PTBP3: variants seen among roughly 807,000 people sequenced by gnomAD.
PTBP3 encodes the protein polypyrimidine tract binding protein 3.
In PTBP3, 20 loss-of-function variants were observed where a neutral mutation model predicts 58.7. That is an observed-to-expected ratio of 0.34 (90% CI 0.24 to 0.50). The LOEUF is 0.50. Among genes scored for constraint, PTBP3 ranks in the 20% least tolerant of loss-of-function variants. PTBP3 has a pLI of 0.98. For missense variants in PTBP3, 509 were observed against 637.2 expected, an observed-to-expected ratio of 0.80 and a Z score of 2.17; for synonymous variants, 185 against 219.8, an observed-to-expected ratio of 0.84 and a Z score of 1.40.
intron 5 of PTBP3, among the ~76,000 whole-genome samples, chr9:112,257,390 G>C (rs1173264396): frequency 6.6e-6 from 1 of 152,082 alleles, no homozygotes; most frequent in African/African-American, 2.4e-5. Context: ...ATTCAGGAAG[G>C]TTTGATATAT....
chr9:112,299,648 C>T (rs1297807569), intron 1 of PTBP3, among the ~76,000 whole-genome samples: 1 of 152,196 alleles, frequency 6.6e-6, no homozygotes, highest in African/African-American at 2.4e-5. Context: ...TTTTCCTGAA[C>T]AAGAATTATT....
chr9:112,318,730 A>C (rs1038387420), intron 1 of PTBP3, among the ~76,000 whole-genome samples: 2 of 151,826 alleles, frequency 1.3e-5, no homozygotes, highest in East Asian at 3.9e-4. Flanking sequence ...ACTGCTCTCC[A>C]GCCTGGGCAA....
intron 1 of PTBP3, among the ~76,000 whole-genome samples, chr9:112,306,742 A>G (rs1377950570): frequency 1.3e-5 from 2 of 151,862 alleles, no homozygotes; most frequent in East Asian, 1.9e-4. Context: ...CAGCCTCCCA[A>G]GTAGCTGGGA....
At chr9:112,338,365 C>A (rs74499097), upstream of PTBP3, among the ~76,000 whole-genome samples, 1 of 34,084 alleles carries the variant, frequency 2.9e-5, no homozygotes, top group African/African-American at 5.3e-4. Flanking sequence ...TGCACTGTGT[C>A]TGTGTGCTGC....
chr9:112,235,585 G>C lies in PTBP3; in HGVS notation c.803-688C>G, dbSNP rs79560083. Among the ~76,000 whole-genome samples the C allele has an allele frequency of 1.6e-4, 25 of 152,246 alleles. No homozygotes were observed. The East Asian group carries it at 4.4e-3, about 27-fold the overall frequency. ...GTTTTAGCAGACAAATGATTAATTT[G>C]GTTTGGGGGAACATCAAATTTAAGA... On this transcript the variant is annotated intron_variant, in intron 7 of 13. Transcript: ENST00000374257.
Position 112,301,589 on chromosome 9 carries a change from G to A in PTBP3, c.-51-3673C>T, listed in dbSNP as rs556772223. ...ATGGAAAACAGATTAGTGGTTGCCA[G>A]GAGATAGAGATGGTTGGGTGGAGGT... On this transcript the variant is annotated intron_variant, in intron 1 of 13. Coordinates refer to ENST00000374257, the MANE Select transcript of PTBP3 (RefSeq NM_001163788.4). Among the ~76,000 whole-genome samples the A allele has an allele frequency of 3.3e-5, 5 of 152,336 alleles. No homozygotes were observed. The South Asian group carries it at 1.0e-3, about 32-fold the overall frequency.
intron 1 of PTBP3, among the ~76,000 whole-genome samples, chr9:112,308,420 A>G (rs1240146689): frequency 2.0e-5 from 3 of 151,960 alleles, no homozygotes; most frequent in African/African-American, 2.4e-5. Context: ...TCCTGAAAAC[A>G]TATCACTGCA....
At chr9:112,327,418 G>A (rs375692681) in intron 1 of PTBP3, among the ~76,000 whole-genome samples, 49 of 151,488 alleles carry the variant, frequency 3.2e-4, no homozygotes, top group African/African-American at 1.1e-3. Flanking sequence ...AAAATTAGCC[G>A]AGCATGGTGG....
chr9:112,228,510 G>T, intron 10 of PTBP3, 38 bp from the exon 11 acceptor site: 2 of 1,375,790 alleles, frequency 1.5e-6, no homozygotes, highest in South Asian at 1.3e-5. Flanking sequence ...TTTAACGTCT[G>T]ATTGTGTTGT....
intron 1 of PTBP3, among the ~76,000 whole-genome samples, chr9:112,300,415 T>C (rs945184420): frequency 1.6e-4 from 25 of 152,224 alleles, no homozygotes; most frequent in Non-Finnish European, 2.5e-4. Flanking sequence ...ACAATGAGAA[T>C]GAACTACGGC....
chr9:112,375,021 A>G, the PTBP3 span, among the ~76,000 whole-genome samples: 1 of 152,224 alleles, frequency 6.6e-6, no homozygotes, highest in South Asian at 2.1e-4. Flanking sequence ...CCTGTTGCCC[A>G]TGAATAACCT....
chr9:112,273,721 C>G (rs1310715099), intron 3 of PTBP3, among the ~76,000 whole-genome samples: 3 of 152,084 alleles, frequency 2.0e-5, no homozygotes, highest in Non-Finnish European at 4.4e-5. Context: ...AGTCACTACC[C>G]AGAGGAAGGC....
Position 112,268,144 on chromosome 9 carries a change from A to G in PTBP3, c.256T>C (p.Tyr86His). ...EEAAVTMVNY[Y>H]TPITPHLRSQ... ...CGAAGGTGAGGAGTAATAGGAGTGT[A>G]ATAATTCACCATAGTAACGGCAGCT... Residue 86 changes from tyrosine to histidine, a missense_variant, in exon 4 of 14, where the codon TAC (tyrosine) becomes CAC (histidine). This residue lies in a region of PTBP3 where 212 missense variants were observed against 215.3 expected (regional missense o/e 0.98). Transcript: ENST00000374257. The G allele has an allele frequency of 6.2e-7, 1 of 1,613,582 alleles. No individual in the cohort carries two copies. Among genetic ancestry groups the G allele is most frequent in the Non-Finnish European group, 8.5e-7 (1 of 1,179,844 alleles).
chr9:112,298,471 C>A, intron 1 of PTBP3: 1 of 445,724 alleles, frequency 2.2e-6, no homozygotes, highest in Non-Finnish European at 4.4e-6. Flanking sequence ...TGATCAACTT[C>A]CAAATCTGAA....
chr9:112,339,011 A>G, the PTBP3 span, among the ~76,000 whole-genome samples: 1 of 152,144 alleles, frequency 6.6e-6, no homozygotes, highest in African/African-American at 2.4e-5. Flanking sequence ...TTTTTGTCAT[A>G]CTATATCACC....
chr9:112,256,013 G>A (rs1177644677), intron 5 of PTBP3, among the ~76,000 whole-genome samples: 1 of 151,896 alleles, frequency 6.6e-6, no homozygotes. Flanking sequence ...CAGCACTTTG[G>A]GAGGCTGAGA....
the PTBP3 span, among the ~76,000 whole-genome samples, chr9:112,366,858 C>G: frequency 6.6e-6 from 1 of 152,170 alleles, no homozygotes; most frequent in African/African-American, 2.4e-5. Context: ...TGCAGACACT[C>G]AATCCTAGCC....
At chr9:112,330,578 AAAT>A (rs1469442362) in intron 1 of PTBP3, 60 of 686,836 alleles carry the variant, frequency 8.7e-5, no homozygotes, top group Non-Finnish European at 1.3e-4. Context: ...TTATAATAAC[AAAT>A]AATAAAAATA....
At chr9:112,331,873 A>G (rs1179195731) in intron 1 of PTBP3, among the ~76,000 whole-genome samples, 1 of 152,234 alleles carries the variant, frequency 6.6e-6, no homozygotes, top group African/African-American at 2.4e-5. Context: ...AAAATTCAAG[A>G]GTCCTCTTTA....
Sources: gnomAD v4.1 joint callset for allele counts (sites outside exome capture counted in the v4.1 genomes callset) on GRCh38, gnomAD v4.1.1 for gene constraint, gnomAD v4.1.1 regional missense constraint, MANE v1.5 for transcripts, NCBI Gene and HGNC (gene_info 2026-07-23, HGNC 2026-07-21) for gene names.